The following HSPG2 variants were observed in gnomAD, a reference collection of about 807,000 sequenced individuals.
HSPG2 encodes the protein basement membrane-specific heparan sulfate proteoglycan core protein.
HSPG2 carries 278 observed loss-of-function variants against 526.6 expected under a neutral mutation model. That is an observed-to-expected ratio of 0.53 (90% CI 0.48 to 0.58). The LOEUF (loss-of-function observed/expected upper bound fraction) is 0.58. HSPG2 is among the 20% of genes least tolerant of loss of function. HSPG2 has a pLI of 0.00. For synonymous variants in HSPG2, 2,465 were observed against 2,555.4 expected (o/e 0.96, Z 1.07); for missense variants, 5,354 against 6,099.5 (o/e 0.88, Z 4.07).
In HSPG2 at chr1:21,839,386, T is replaced by A; in HGVS notation, c.9874A>T (p.Ile3292Phe). 6.2e-7 allele frequency: 1 copy of A among 1,613,150 alleles called. No homozygotes were observed. Among genetic ancestry groups the A allele is most frequent in the Non-Finnish European group, 8.5e-7 (1 of 1,179,992 alleles). Residue 3292 changes from isoleucine to phenylalanine, a missense_variant, in exon 73 of 97, where the codon ATC becomes TTC. Transcript: ENST00000374695. The surrounding 1 kb of genome is among the most constrained non-coding windows in gnomAD (Gnocchi z 4.5). Reference protein sequence around the residue: ...SPAGHAEATIILHVESPPYAT... With the variant: ...SPAGHAEATIFLHVESPPYAT... Reference sequence around the variant, plus strand: ...GAGGCCTTACTCTCCACGTGCAGGATGATGGTGGCCTCAGCGTGCCCAGCA... The same window carrying A: ...GAGGCCTTACTCTCCACGTGCAGGAAGATGGTGGCCTCAGCGTGCCCAGCA...
chr1:21,847,969 C>A lies in HSPG2; in HGVS notation c.7862G>T (p.Gly2621Val), dbSNP rs1253440272. 1 of 1,613,812 alleles carries A rather than the reference C, an allele frequency of 6.2e-7. No individual in the cohort carries two copies. The highest frequency in any genetic ancestry group is 1.3e-5 in the African/African-American group (1 of 75,020). Residue 2621 changes from glycine (G) to valine (V), a missense_variant, in exon 60 of 97, where the codon GGT (glycine) becomes GTT (valine). Coordinates refer to ENST00000374695, the MANE Select transcript of HSPG2 (RefSeq NM_005529.7). The surrounding 1 kb of genome is among the most constrained non-coding windows in gnomAD (Gnocchi z 4.1). ...TSLIVTIQGS[G>V]SSHVPSVSPP... ...CTCTCTGCTCTCACCGTGGGAGGAA[C>A]CGCTGCCCTGGATGGTGACGATGAG...
At position 21,829,530 on chromosome 1, in the gene HSPG2, G is replaced by A. The variant is rs1185772994; in HGVS notation, c.11845C>T (p.His3949Tyr). 1 of 1,612,878 alleles carries A rather than the reference G, an allele frequency of 6.2e-7. No individual in the cohort carries two copies. Among genetic ancestry groups the A allele is most frequent in the Non-Finnish European group, 8.5e-7 (1 of 1,179,792 alleles). Residue 3949 changes from histidine to tyrosine, a missense_variant, in exon 87 of 97, where the codon CAC becomes TAC. His to Tyr is a moderately conservative substitution (Grantham distance 83). Coordinates refer to ENST00000374695, the MANE Select transcript of HSPG2 (RefSeq NM_005529.7). ...LALPALTNTH[H>Y]ELRLDVEFKP... ...AACTCCACGTCCAGGCGTAGCTCGT[G>A]GTGTGTGTTGGTGAGGGCGGGCAGT...
chr1:21,851,980 C>A, intron 53 of HSPG2, 54 bp from the exon 54 acceptor site: 2 of 1,607,958 alleles, frequency 1.2e-6, no homozygotes, highest in South Asian at 2.2e-5. Context: ...CCAGCAAATG[C>A]CCCACCGCTG....
At chr1:21,922,345 C>T (rs1310059274) in intron 1 of HSPG2, among the ~76,000 whole-genome samples, 8 of 152,180 alleles carry the variant, frequency 5.3e-5, no homozygotes, top group Admixed American at 2.0e-4. Context: ...CAGAATGAAA[C>T]GGTGCGGAAT....
At chr1:21,925,916 G>A (rs990103422) in intron 1 of HSPG2, among the ~76,000 whole-genome samples, 33 of 150,970 alleles carry the variant, frequency 2.2e-4, no homozygotes, top group African/African-American at 7.3e-4. Flanking sequence ...TGCAGCCTCC[G>A]CCTCCCGGGT....
intron 64 of HSPG2, 118 bp from the exon 65 acceptor site, chr1:21,844,417 C>G: frequency 8.6e-7 from 1 of 1,168,774 alleles, no homozygotes; most frequent in East Asian, 2.5e-5. Flanking sequence ...TTTCCCTTCC[C>G]GTTCCATTGA....
chr1:21,885,336 G>A lies in HSPG2; in HGVS notation c.1194C>T (p.Ser398=), dbSNP rs145462567. The A allele has an allele frequency of 8.7e-6, 14 of 1,613,902 alleles. No individual in the cohort carries two copies. Among genetic ancestry groups the A allele is most frequent in the African/African-American group, 2.7e-5 (2 of 74,900 alleles). The change falls in exon 10 of 97, where the codon AGC becomes AGT. Residue 398 remains serine, a synonymous_variant. Transcript: ENST00000374695. ...CCTGCTCACTGCAGCCAAACTCGTC[G>A]CTCCGGTCAGGACAGTCGCTCTCCT... ...CDEESDCPDR[S]DEFGCMPPQV...
Position 21,850,116 on chromosome 1 carries a change from G to A in HSPG2, c.7371C>T (p.Asn2457=). 1.2e-6 allele frequency: 2 copies of A among 1,613,448 alleles called. No homozygotes were observed. The highest frequency in any genetic ancestry group is 4.5e-5 in the East Asian group (2 of 44,894). The stretch of plus-strand genomic sequence containing the variant: ...CATGGGCCTGACCAGCAACGAGGCA[G>A]TTCAGGTCCAGGGTCTGCCCCTCGG... ...QVAEGQTLDL[N]CLVAGQAHAQ... The change falls in exon 57 of 97, where the codon AAC becomes AAT. Residue 2457 remains asparagine (N), a synonymous_variant. Coordinates refer to ENST00000374695, the MANE Select transcript of HSPG2 (RefSeq NM_005529.7).
At position 21,824,026 on chromosome 1, in the gene HSPG2, G is replaced by A. The variant is rs1350176829; in HGVS notation, c.12899+95C>T. 1 of 1,210,932 alleles carries A rather than the reference G, an allele frequency of 8.3e-7. No individual in the cohort carries two copies. Among genetic ancestry groups the A allele is most frequent in the East Asian group, 2.5e-5 (1 of 39,850 alleles). The allele number at this position is 1,210,932 out of a possible 1,614,324, so 75.0% of individuals were successfully genotyped here. On this transcript the variant is annotated intron_variant, in intron 95 of 96. Coordinates refer to ENST00000374695, the MANE Select transcript of HSPG2 (RefSeq NM_005529.7). This position sits in a 1 kb window ranked among gnomAD's most constrained non-coding sequence, Gnocchi z 5.9. Reference sequence around the variant, plus strand: ...CCTGGCTTCAAGTTCTGTCTCCACAGAGCTCAATACCTGCCTCTCTGCCCA... The same window carrying A: ...CCTGGCTTCAAGTTCTGTCTCCACAAAGCTCAATACCTGCCTCTCTGCCCA...
rs560890015 is a variant in HSPG2, at chr1:21,907,173, C to T, written c.64-10863G>A. Reference sequence around the variant, plus strand: ...GCCCAGCACCCAGTCATTCCTGGTCCGCTTGGACCCTCCAGAAAGTCTGGA... The same window carrying T: ...GCCCAGCACCCAGTCATTCCTGGTCTGCTTGGACCCTCCAGAAAGTCTGGA... On this transcript the variant is annotated intron_variant, in intron 1 of 96. Coordinates refer to ENST00000374695, the MANE Select transcript of HSPG2 (RefSeq NM_005529.7). Among the ~76,000 whole-genome samples the T allele has an allele frequency of 2.2e-4, 33 of 152,270 alleles. No homozygotes were observed. The East Asian group carries it at 4.6e-3, about 21-fold the overall frequency.
chr1:21,875,726 C>A lies in HSPG2; in HGVS notation c.3205G>T (p.Gly1069Trp), dbSNP rs1275021537. The change falls in exon 25 of 97, where the codon GGG (glycine) becomes TGG (tryptophan). Residue 1069 changes from glycine to tryptophan, a missense_variant. By Grantham distance (184) the Gly-to-Trp change is radical (BLOSUM62 -2). Transcript: ENST00000374695. ...AGGTGCTCCCGTGTGGCTGGCTGCC[C>A]ATCGGGCCGCTGCCATGCTTGCTGC... Reference protein sequence around the residue: ...FREQAWQRPDGQPATREHLLM... With the variant: ...FREQAWQRPDWQPATREHLLM... 1 of 1,604,998 alleles carries A rather than the reference C, an allele frequency of 6.2e-7. No homozygotes were observed. Among genetic ancestry groups the A allele is most frequent in the Non-Finnish European group, 8.5e-7 (1 of 1,179,948 alleles).
At chr1:21,823,765 C>T (rs1214474267) in intron 95 of HSPG2, 46 bp from the exon 96 acceptor site, 1 of 1,448,590 alleles carries the variant, frequency 6.9e-7, no homozygotes, top group Admixed American at 1.7e-5. Flanking sequence ...CTTCCTGGTC[C>T]TCCCCGGCCC....
Position 21,872,177 on chromosome 1 carries a change from G to A in HSPG2, c.4221+9C>T. The A allele has an allele frequency of 6.4e-6, 10 of 1,551,540 alleles. No individual in the cohort carries two copies. Among genetic ancestry groups the A allele is most frequent in the Non-Finnish European group, 8.7e-6 (10 of 1,146,920 alleles). The stretch of plus-strand genomic sequence containing the variant: ...TCACGGCTGACCCTGGTGCTTGGCT[G>A]GGGCCCACCTTGTCTCCCTGGTATG... On this transcript the variant is annotated intron_variant, in intron 33 of 96. Transcript: ENST00000374695. This position sits in a 1 kb window ranked among gnomAD's most constrained non-coding sequence, Gnocchi z 5.5.
At position 21,828,815 on chromosome 1, in the gene HSPG2, C is replaced by T. The variant is rs565360390; in HGVS notation, c.12237+20G>A. On this transcript the variant is annotated intron_variant, in intron 88 of 96. Transcript: ENST00000374695. The surrounding 1 kb of genome is among the most constrained non-coding windows in gnomAD (Gnocchi z 6.0). ...TTGGCACCCCTCCCCTCCCGCTTGTCCCGAGGAGGCTGCTCTTACCTCGCC... is the reference window on the plus strand; with the variant it reads ...TTGGCACCCCTCCCCTCCCGCTTGTTCCGAGGAGGCTGCTCTTACCTCGCC... 8.3e-4 allele frequency: 1,287 copies of T among 1,549,256 alleles called. 2 individuals are homozygous for T. Among genetic ancestry groups the T allele is most frequent in the Admixed American group, 1.8e-3 (94 of 50,896 alleles).
In HSPG2 at chr1:21,852,418, C is replaced by T. The variant is rs1563370; in HGVS notation, c.6725-185G>A. Among the ~76,000 whole-genome samples, 23,058 of 152,202 alleles carry T rather than the reference C, an allele frequency of 0.15. 1,846 individuals are homozygous for T. The highest frequency in any genetic ancestry group is 0.28 in the South Asian group (1,341 of 4,822). ...GATGGGAGGACCAGGGCATGGGCCACGCCTTGCAGAGGGGAGTGAGGAAGT... is the reference window on the plus strand; with the variant it reads ...GATGGGAGGACCAGGGCATGGGCCATGCCTTGCAGAGGGGAGTGAGGAAGT... On this transcript the variant is annotated intron_variant, in intron 52 of 96. Transcript: ENST00000374695.
At position 21,872,430 on chromosome 1, in the gene HSPG2, G is replaced by C. The variant is rs1315352696; in HGVS notation, c.4030-53C>G. ...AGCCTGAGCACCGGGGTGCCTTGGT[G>C]GGGGATGGGGCACGGGAGGGTGTTA... is the stretch of plus-strand genomic sequence containing the variant. On this transcript the variant is annotated intron_variant, in intron 32 of 96. Transcript: ENST00000374695. The surrounding 1 kb of genome is among the most constrained non-coding windows in gnomAD (Gnocchi z 5.5). 1.3e-6 allele frequency: 2 copies of C among 1,494,884 alleles called. No homozygotes were observed. The allele number at this position is 1,494,884 out of a possible 1,614,324, so 92.6% of individuals were successfully genotyped here.
rs752051085 is a variant in HSPG2, at chr1:21,876,583, C to A, written c.2755G>T (p.Asp919Tyr). The change falls in exon 22 of 97, where the codon GAT (aspartate) becomes TAT (tyrosine). Residue 919 changes from aspartate (D) to tyrosine (Y), a missense_variant. Coordinates refer to ENST00000374695, the MANE Select transcript of HSPG2 (RefSeq NM_005529.7). ...GSFHLSTRNP[D>Y]GCLKCFCMGV... Reference sequence around the variant, plus strand: ...ATGCAGAAGCACTTGAGGCAGCCATCGGGGTTTCGGGTACTCAGGTGGAAA... The same window carrying A: ...ATGCAGAAGCACTTGAGGCAGCCATAGGGGTTTCGGGTACTCAGGTGGAAA... 4 of 1,614,188 alleles carry A rather than the reference C, an allele frequency of 2.5e-6. No homozygotes were observed. Among genetic ancestry groups the A allele is most frequent in the Non-Finnish European group, 3.4e-6 (4 of 1,180,020 alleles).
chr1:21,834,688 G>A lies in HSPG2; in HGVS notation c.10711C>T (p.Leu3571Phe), dbSNP rs905882659. Reference sequence around the variant, plus strand: ...CCCCACTGGCCTTCACCTTGCACAAGCAGCAGGACGTGGGATTGTGTGGTG... The same window carrying A: ...CCCCACTGGCCTTCACCTTGCACAAACAGCAGGACGTGGGATTGTGTGGTG... ...AGTTQSHVLL[L>F]VQALPQISMP... Residue 3571 changes from leucine to phenylalanine, a missense_variant, in exon 77 of 97, where the codon CTT becomes TTT. Leu to Phe is a conservative substitution (Grantham distance 22). Coordinates refer to ENST00000374695, the MANE Select transcript of HSPG2 (RefSeq NM_005529.7). 7 of 1,614,032 alleles carry A rather than the reference G, an allele frequency of 4.3e-6. No individual in the cohort carries two copies. In the African/African-American group the frequency reaches 6.7e-5, roughly 15 times the overall value.
chr1:21,890,317 A>G lies in HSPG2; in HGVS notation c.413+110T>C. 1 of 1,287,460 alleles carries G rather than the reference A, an allele frequency of 7.8e-7. No individual in the cohort carries two copies. The highest frequency in any genetic ancestry group is 1.1e-6 in the Non-Finnish European group (1 of 887,712). The allele number at this position is 1,287,460 out of a possible 1,614,324, so 79.8% of individuals were successfully genotyped here. A position where few individuals can be genotyped will look rare whatever the true frequency, so the allele number is the denominator to read the frequency against. On this transcript the variant is annotated intron_variant, in intron 5 of 96. Coordinates refer to ENST00000374695, the MANE Select transcript of HSPG2 (RefSeq NM_005529.7). This position sits in a 1 kb window ranked among gnomAD's most constrained non-coding sequence, Gnocchi z 4.1. The stretch of plus-strand genomic sequence containing the variant: ...AATTCCTGAATTTCCACCCACAGCG[A>G]CTCATCCCATAGGCCTTTCCGCGGT...
Sources: allele counts gnomAD v4.1 joint callset (sites outside exome capture counted in the v4.1 genomes callset), GRCh38; gene constraint gnomAD v4.1.1; non-coding constraint Gnocchi (gnomAD v3.1); transcripts MANE v1.5; gene names NCBI Gene and HGNC (gene_info 2026-07-23, HGNC 2026-07-21).